Variants in LARS1 observed in about 807,000 individuals in gnomAD.
LARS1 encodes the protein leucyl-tRNA synthetase 1.
In LARS1, 100 loss-of-function variants were observed where a neutral mutation model predicts 162.8. The observed-to-expected ratio is 0.61, with a 90% CI of 0.52 to 0.73. LARS1 has a LOEUF of 0.73. Among genes scored for constraint, LARS1 ranks in the 30% least tolerant of loss-of-function variants. The probability of loss-of-function intolerance (pLI) is 0.00; values close to 1 mark genes in which losing one functional copy is unlikely to be tolerated. For missense variants in LARS1, 1,258 were observed against 1,408.9 expected (o/e 0.89, Z 1.71); for synonymous variants, 457 against 462.8 (o/e 0.99, Z 0.16).
At position 146,153,023 on chromosome 5, in the gene LARS1, A is replaced by G. The variant is rs559820765; in HGVS notation, c.1284+151T>C. 6 of 542,926 alleles carry G rather than the reference A, an allele frequency of 1.1e-5. No individual in the cohort carries two copies. The East Asian group carries it at 2.0e-4, about 18-fold the overall frequency. 33.6% of individuals were successfully genotyped at this position (542,926 alleles called of 1,614,324 possible). On this transcript the variant is annotated intron_variant, in intron 13 of 31. Transcript: ENST00000394434. ...TTTTCCTTTTGCTCTTATCTACCAT[A>G]GCAGGTATCAAATTAAAGTGAGTAA...
At chr5:146,154,066 A>C in intron 10 of LARS1, 86 bp from the exon 11 acceptor site, 1 of 886,242 alleles carries the variant, frequency 1.1e-6, no homozygotes, top group Non-Finnish European at 1.7e-6. Flanking sequence ...TTAAGCCCTG[A>C]GAAGCTAGTA....
intron 5 of LARS1, among the ~76,000 whole-genome samples, chr5:146,166,750 G>A (rs764474890): frequency 1.1e-4 from 16 of 152,064 alleles, no homozygotes; most frequent in African/African-American, 2.2e-4. Context: ...TTGTAGGCAA[G>A]ATCCACTGAT....
Position 146,140,820 on chromosome 5 carries a change from TAC to T in LARS1, c.2091-561_2091-560del, listed in dbSNP as rs569503022. Reference sequence around the variant, plus strand: ...ACTCCCTCTCAAAAAAATGTATATATACACACACACACATATAAATATACACA... The same window carrying T: ...ACTCCCTCTCAAAAAAATGTATATATACACACACACATATAAATATACACA... On this transcript the variant is annotated intron_variant, in intron 20 of 31. Coordinates refer to ENST00000394434, the MANE Select transcript of LARS1 (RefSeq NM_020117.11). Among the ~76,000 whole-genome samples the T allele has an allele frequency of 3.3e-3, 499 of 151,774 alleles. 1 individual carries two copies. The highest frequency in any genetic ancestry group is 0.011 in the African/African-American group (463 of 41,384).
At position 146,120,561 on chromosome 5, in the gene LARS1, T is replaced by C. The variant is rs562665358; in HGVS notation, c.3193-58A>G. The C allele has an allele frequency of 2.5e-5, 39 of 1,537,202 alleles. 1 individual carries two copies. In the East Asian group the frequency reaches 8.4e-4, roughly 33 times the overall value. Reference sequence around the variant, plus strand: ...TTGAATACTGCTGAGGGAGGAGGAATCTCTGCTACGTTTTCAATGCCCAAT... The same window carrying C: ...TTGAATACTGCTGAGGGAGGAGGAACCTCTGCTACGTTTTCAATGCCCAAT... On this transcript the variant is annotated intron_variant, in intron 30 of 31. Transcript: ENST00000394434.
intron 5 of LARS1, among the ~76,000 whole-genome samples, chr5:146,165,294 C>T (rs1753955987): frequency 6.6e-6 from 1 of 152,138 alleles, no homozygotes; most frequent in Non-Finnish European, 1.5e-5. Context: ...GACTGTGCCA[C>T]TGTACTTCAA....
At position 146,117,500 on chromosome 5, in the gene LARS1, C is replaced by T. The variant is rs189820928; in HGVS notation, c.3325+2871G>A. On this transcript the variant is annotated intron_variant, in intron 31 of 31. Coordinates refer to ENST00000394434, the MANE Select transcript of LARS1 (RefSeq NM_020117.11). ...TGGCTCATGCCTATAATCCCAGCTA[C>T]TCAGTAGGCTGAGGCATGAGAATTG... 1.4e-3 allele frequency among the ~76,000 whole-genome samples: 218 copies of T among 152,278 alleles called. 2 individuals carry two copies. The highest frequency in any genetic ancestry group is 5.0e-3 in the African/African-American group (206 of 41,562).
intron 10 of LARS1, among the ~76,000 whole-genome samples, chr5:146,155,666 T>C (rs915565378): frequency 3.3e-5 from 5 of 152,214 alleles, no homozygotes; most frequent in Admixed American, 6.5e-5. Context: ...TTTATAGAAT[T>C]TGCAGTCATA....
At chr5:146,164,509 T>C (rs186220534) in intron 5 of LARS1, 38 bp from the exon 6 acceptor site, 14 of 1,590,424 alleles carry the variant, frequency 8.8e-6, no homozygotes, top group Admixed American at 8.7e-5. Flanking sequence ...GATCAAAGAA[T>C]AACCAACACT....
At chr5:146,180,392 C>G (rs1051413027) in intron 1 of LARS1, among the ~76,000 whole-genome samples, 1 of 151,858 alleles carries the variant, frequency 6.6e-6, no homozygotes, top group Admixed American at 6.6e-5. Context: ...AAATTAGCAG[C>G]GCATGGTGGC....
chr5:146,164,816 C>T (rs1483230130), intron 5 of LARS1, among the ~76,000 whole-genome samples: 2 of 152,164 alleles, frequency 1.3e-5, no homozygotes, highest in Non-Finnish European at 2.9e-5. Flanking sequence ...CCTTATTTAC[C>T]TATAAAGAGG....
At chr5:146,148,940 T>A (rs1361582110) in intron 15 of LARS1, among the ~76,000 whole-genome samples, 1 of 152,124 alleles carries the variant, frequency 6.6e-6, no homozygotes, top group East Asian at 1.9e-4. Flanking sequence ...CCAGGCATGG[T>A]GGCTCATGCC....
rs140643050 is a variant in LARS1, at chr5:146,152,884, T to C, written c.1284+290A>G. On this transcript the variant is annotated intron_variant, in intron 13 of 31. Transcript: ENST00000394434. ...CATGAAAAGGGCAAAATTTTATCTT[T>C]AGAAGCCAGGAAATTGATCACACTA... 0.011 allele frequency among the ~76,000 whole-genome samples: 1,657 copies of C among 152,322 alleles called. 25 individuals carry two copies. The highest frequency in any genetic ancestry group is 0.034 in the African/African-American group (1,404 of 41,576).
In LARS1 at chr5:146,153,275, G is replaced by A. The variant is rs1240978248; in HGVS notation, c.1231-48C>T. On this transcript the variant is annotated intron_variant, in intron 12 of 31. Transcript: ENST00000394434. The stretch of plus-strand genomic sequence containing the variant: ...ACACTAATGATCAACACTTTACTGG[G>A]AGAATCATTGAGAGAAGCAATCTCC... 6 of 1,249,502 alleles carry A rather than the reference G, an allele frequency of 4.8e-6. No homozygotes were observed. In the African/African-American group the frequency reaches 9.0e-5, roughly 19 times the overall value. The allele number at this position is 1,249,502 out of a possible 1,614,324, so 77.4% of individuals were successfully genotyped here. A position where few individuals can be genotyped will look rare whatever the true frequency, so the allele number is the denominator to read the frequency against.
chr5:146,143,860 G>T (rs902264529), intron 18 of LARS1, among the ~76,000 whole-genome samples: 11 of 152,124 alleles, frequency 7.2e-5, no homozygotes, highest in Admixed American at 7.2e-4. Flanking sequence ...AAATTAGCCA[G>T]GCATGGTGGT....
At chr5:146,130,944 G>T in intron 24 of LARS1, 75 bp downstream of exon 24, 1 of 785,648 alleles carries the variant, frequency 1.3e-6, no homozygotes, top group Non-Finnish European at 2.0e-6. Context: ...TGCTATAGCA[G>T]GAAGAAAAAA....
chr5:146,174,685 C>T (rs1042886792), intron 2 of LARS1, among the ~76,000 whole-genome samples: 17 of 150,304 alleles, frequency 1.1e-4, no homozygotes, highest in African/African-American at 4.1e-4. Flanking sequence ...CAGGCCCAGT[C>T]AATTCCCAGT....
At chr5:146,114,408 T>C (rs1764108407) in intron 31 of LARS1, 97 bp from the exon 32 acceptor site, 10 of 917,574 alleles carry the variant, frequency 1.1e-5, no homozygotes, top group East Asian at 2.6e-5. Flanking sequence ...CTGGTTGTTA[T>C]ATCTAAACAA....
intron 15 of LARS1, among the ~76,000 whole-genome samples, chr5:146,148,729 T>C (rs551821825): frequency 1.0e-3 from 143 of 140,692 alleles, no homozygotes; most frequent in Middle Eastern, 7.2e-3. Flanking sequence ...GGCTGATACC[T>C]AACCCTGAAA....
chr5:146,179,738 T>C, intron 1 of LARS1: 1 of 408,348 alleles, frequency 2.4e-6, no homozygotes, highest in Non-Finnish European at 4.9e-6. Context: ...TAGCTGGGAC[T>C]ACAGGCATAT....
Sources: allele counts gnomAD v4.1 joint callset (sites outside exome capture counted in the v4.1 genomes callset), GRCh38; gene constraint gnomAD v4.1.1; transcripts MANE v1.5; gene names NCBI Gene and HGNC (gene_info 2026-07-23, HGNC 2026-07-21).